The following CDKN1A variants were observed in gnomAD, a reference collection of about 807,000 sequenced individuals.
CDKN1A encodes cyclin dependent kinase inhibitor 1A.
A neutral mutation model predicts 14.8 loss-of-function variants in CDKN1A; 14 were observed. That is an observed-to-expected ratio of 0.94 (90% CI 0.62 to 1.48). CDKN1A has a LOEUF of 1.48. CDKN1A is among the 40% of genes most tolerant of loss of function. The pLI is 0.00. For missense variants in CDKN1A, 203 were observed against 231.7 expected, an observed-to-expected ratio of 0.88 and a Z score of 0.80; for synonymous variants, 92 against 93.5, an observed-to-expected ratio of 0.98 and a Z score of 0.09.
upstream of CDKN1A, chr6:36,677,790 C>G: frequency 3.0e-6 from 3 of 1,014,946 alleles, no homozygotes; most frequent in Non-Finnish European, 4.2e-6. Context: ...TGAGTTAGGT[C>G]ACCAGACTTC....
intron 1 of CDKN1A, among the ~76,000 whole-genome samples, chr6:36,680,063 C>T (rs1282176069): frequency 6.6e-6 from 1 of 152,226 alleles, no homozygotes; most frequent in Non-Finnish European, 1.5e-5. Context: ...CTGGGGGACA[C>T]TTGCGCCCTC....
At chr6:36,679,759 G>C (rs939476430) in intron 1 of CDKN1A, among the ~76,000 whole-genome samples, 3 of 152,098 alleles carry the variant, frequency 2.0e-5, no homozygotes, top group Non-Finnish European at 4.4e-5. Context: ...CACCGCGGCC[G>C]GGAGAATCGC....
In CDKN1A at chr6:36,678,912, G is replaced by A. The variant is rs1387569778; in HGVS notation, c.-6+114G>A. The A allele has an allele frequency of 1.0e-6, 1 of 986,034 alleles. No homozygotes were observed. Among genetic ancestry groups the A allele is most frequent in the Non-Finnish European group, 1.2e-6 (1 of 830,306 alleles). The allele number at this position is 986,034 out of a possible 1,614,324, so 61.1% of individuals were successfully genotyped here. A position where few individuals can be genotyped will look rare whatever the true frequency, so the allele number is the denominator to read the frequency against. ...CGAGGATGCGTGTTCGCGGGTGTGT[G>A]CTGCGTTCACAGGTGTTTCTGCGGC... On this transcript the variant is annotated intron_variant, in intron 1 of 2. Transcript: ENST00000244741. This position sits in a 1 kb window ranked among gnomAD's most constrained non-coding sequence, Gnocchi z 5.7.
rs1162382965 is a variant in CDKN1A at position 36,685,788 on chromosome 6, G to A, written c.483G>A (p.Lys161=). 6.2e-7 allele frequency: 1 copy of A among 1,614,204 alleles called. No individual in the cohort carries two copies. The highest frequency in any genetic ancestry group is 1.1e-5 in the South Asian group (1 of 91,082). The change falls in exon 3 of 3, where the codon AAG becomes AAA. Residue 161 remains lysine, a synonymous_variant. Transcript: ENST00000244741. ...CCAAACGCCGGCTGATCTTCTCCAA[G>A]AGGAAGCCCTAATCCGCCCACAGGA... ...YHSKRRLIFS[K]RKP
In CDKN1A at chr6:36,686,673, G is replaced by A. The variant is rs551145694; in HGVS notation, c.*873G>A. On this transcript the variant is annotated 3_prime_UTR_variant, in exon 3 of 3. Coordinates refer to ENST00000244741, the MANE Select transcript of CDKN1A (RefSeq NM_000389.5). This position sits in a 1 kb window ranked among gnomAD's most constrained non-coding sequence, Gnocchi z 4.9. ...AGCTCCAGGTGGCTCTGAGGTGCCT[G>A]TCCCACCCCCACCCCCAGCTCAATG... 115 of 234,010 alleles carry A rather than the reference G, an allele frequency of 4.9e-4. No homozygotes were observed. The highest frequency in any genetic ancestry group is 2.5e-3 in the African/African-American group (113 of 45,428). The allele number at this position is 234,010 out of a possible 1,614,324, so 14.5% of individuals were successfully genotyped here.
upstream of CDKN1A, among the ~76,000 whole-genome samples, chr6:36,677,051 G>A (rs1562035082): frequency 6.6e-6 from 1 of 152,292 alleles, no homozygotes; most frequent in South Asian, 2.1e-4. Context: ...GGGCTTCAAG[G>A]CAGTGGGAGA....
chr6:36,678,951 G>A lies in CDKN1A; in HGVS notation c.-6+153G>A. 2 of 985,806 alleles carry A rather than the reference G, an allele frequency of 2.0e-6. No homozygotes were observed. Among genetic ancestry groups the A allele is most frequent in the South Asian group, 4.7e-5 (1 of 21,280 alleles). 61.1% of individuals were successfully genotyped at this position (985,806 alleles called of 1,614,324 possible). A position where few individuals can be genotyped will look rare whatever the true frequency, so the allele number is the denominator to read the frequency against. ...TGTTTCTGCGGCAGGTGAATGACGG[G>A]CGTGGGTCGGTGCGCGCTCGGCTTG... On this transcript the variant is annotated intron_variant, in intron 1 of 2. Transcript: ENST00000244741. This position sits in a 1 kb window ranked among gnomAD's most constrained non-coding sequence, Gnocchi z 5.7.
intron 1 of CDKN1A, among the ~76,000 whole-genome samples, chr6:36,680,311 T>TGC (rs1761880825): frequency 1.5e-5 from 2 of 137,750 alleles, no homozygotes; most frequent in African/African-American, 5.7e-5. Flanking sequence ...CGCGGGCGTG[T>TGC]GTGTGTGTGT....
At position 36,684,080 on chromosome 6, in the gene CDKN1A, T is replaced by C; in HGVS notation, c.-5-17T>C. 1.9e-6 allele frequency: 3 copies of C among 1,612,360 alleles called. No individual in the cohort carries two copies. Among genetic ancestry groups the C allele is most frequent in the Middle Eastern group, 1.7e-4 (1 of 5,748 alleles). On this transcript the variant is annotated splice_polypyrimidine_tract_variant and intron_variant, in intron 1 of 2. Coordinates refer to ENST00000244741, the MANE Select transcript of CDKN1A (RefSeq NM_000389.5). The surrounding 1 kb of genome is among the most constrained non-coding windows in gnomAD (Gnocchi z 6.0). ...ATCTCCGCCGTGACCAGGGCCTTCC[T>C]TGTATCTCTGCTGCAGGCGCCATGT...
Position 36,678,801 on chromosome 6 carries a change from G to A in CDKN1A, c.-6+3G>A. On this transcript the variant is annotated splice_donor_region_variant and intron_variant, in intron 1 of 2. Coordinates refer to ENST00000244741, the MANE Select transcript of CDKN1A (RefSeq NM_000389.5). This position sits in a 1 kb window ranked among gnomAD's most constrained non-coding sequence, Gnocchi z 5.7. The stretch of plus-strand genomic sequence containing the variant: ...AGGCACCGAGGCACTCAGAGGAGGT[G>A]AGAGAGCGGCGGCAGACAACAGGGG... The A allele has an allele frequency of 1.0e-6, 1 of 985,804 alleles. No homozygotes were observed. Among genetic ancestry groups the A allele is most frequent in the Non-Finnish European group, 1.2e-6 (1 of 830,192 alleles). The allele number at this position is 985,804 out of a possible 1,614,324, so 61.1% of individuals were successfully genotyped here.
upstream of CDKN1A, chr6:36,678,258 T>G (rs1761760075): frequency 4.4e-6 from 1 of 226,354 alleles, no homozygotes. This position sits in a 1 kb window ranked among gnomAD's most constrained non-coding sequence, Gnocchi z 5.7. Flanking sequence ...AGGTGCATCG[T>G]TTTTATAATT....
upstream of CDKN1A, chr6:36,677,771 T>C: frequency 1.3e-6 from 1 of 756,594 alleles, no homozygotes; most frequent in Non-Finnish European, 2.1e-6. Context: ...ATTTCTTTGC[T>C]GCATGATCTG....
chr6:36,681,657 A>G (rs960062955), intron 1 of CDKN1A, among the ~76,000 whole-genome samples: 3 of 126,236 alleles, frequency 2.4e-5, no homozygotes, highest in Admixed American at 1.0e-4. Flanking sequence ...CAGTGGCGTG[A>G]TCTCGGCTCA....
intron 1 of CDKN1A, among the ~76,000 whole-genome samples, chr6:36,680,239 G>C (rs1420934964): frequency 1.3e-5 from 2 of 152,026 alleles, no homozygotes; most frequent in African/African-American, 4.8e-5. Context: ...CTCATCCCGT[G>C]CTTTGGGCGT....
In CDKN1A at chr6:36,684,582, C is replaced by T. The variant is rs1350997388; in HGVS notation, c.445+36C>T. The stretch of plus-strand genomic sequence containing the variant: ...GTGCACGGAAGGACTTTGTAAGGGA[C>T]CAGGATTCTCAGAATCCATGGTCCA... On this transcript the variant is annotated intron_variant, in intron 2 of 2. Transcript: ENST00000244741. The surrounding 1 kb of genome is among the most constrained non-coding windows in gnomAD (Gnocchi z 6.0). 12 of 1,586,184 alleles carry T rather than the reference C, an allele frequency of 7.6e-6. No homozygotes were observed. The highest frequency in any genetic ancestry group is 2.7e-5 in the African/African-American group (2 of 74,472).
intron 1 of CDKN1A, chr6:36,680,732 AC>A (rs1761911361): frequency 6.6e-6 from 1 of 151,772 alleles, no homozygotes; most frequent in African/African-American, 2.4e-5. Flanking sequence ...TGCCATTACC[AC>A]CCCTTCAAAG....
chr6:36,683,061 A>G (rs1272463653), intron 1 of CDKN1A, among the ~76,000 whole-genome samples: 2 of 152,188 alleles, frequency 1.3e-5, no homozygotes, highest in Non-Finnish European at 2.9e-5. Flanking sequence ...TGAAGGAGGT[A>G]GTTGGCAGGG....
chr6:36,680,348 G>A (rs907406516), intron 1 of CDKN1A: 2 of 151,012 alleles, frequency 1.3e-5, no homozygotes, highest in African/African-American at 4.9e-5. Context: ...GTGTGTGTCT[G>A]TGTCAGAGAC....
chr6:36,678,191 G>C (rs730506), upstream of CDKN1A: 70,961 of 335,600 alleles, frequency 0.21, 7,895 homozygotes, highest in South Asian at 0.28. This position sits in a 1 kb window ranked among gnomAD's most constrained non-coding sequence, Gnocchi z 5.7. Context: ...AGGTGACCTA[G>C]TGAGGGATCA....
Sources: gnomAD v4.1 joint callset for allele counts (sites outside exome capture counted in the v4.1 genomes callset) on GRCh38, gnomAD v4.1.1 for gene constraint, Gnocchi (gnomAD v3.1) non-coding constraint, MANE v1.5 for transcripts, NCBI Gene and HGNC (gene_info 2026-07-23, HGNC 2026-07-21) for gene names.